PDE4D: variants seen among roughly 807,000 people sequenced by gnomAD.
PDE4D encodes phosphodiesterase 4D.
PDE4D carries 24 observed loss-of-function variants against 87.4 expected under a neutral mutation model. The ratio of observed to expected loss-of-function variants is 0.27; its 90% CI spans 0.20 to 0.39. The LOEUF (loss-of-function observed/expected upper bound fraction) is 0.39. Among genes scored for constraint, PDE4D ranks in the 10% least tolerant of loss-of-function variants. PDE4D has a pLI of 1.00. For synonymous variants in PDE4D, 384 were observed against 383.2 expected, an observed-to-expected ratio of 1.00 and a Z score of -0.02; for missense variants, 714 against 1,041.0, an observed-to-expected ratio of 0.69 and a Z score of 4.32.
intron 1 of PDE4D, among the ~76,000 whole-genome samples, chr5:59,504,977 T>TGA (rs199648536): frequency 6.7e-6 from 1 of 149,908 alleles, no homozygotes; most frequent in African/African-American, 2.4e-5. Context: ...TGTGTGAAAG[T>TGA]GAGAGAGAGA....
chr5:60,137,023 G>A (rs919578464), intron 2 of PDE4D, among the ~76,000 whole-genome samples: 7 of 152,068 alleles, frequency 4.6e-5, no homozygotes, highest in African/African-American at 1.4e-4. Flanking sequence ...ATGTGTCCAT[G>A]CGTTCTGATC....
At chr5:59,720,714 AG>A (rs1755705606) in intron 1 of PDE4D, among the ~76,000 whole-genome samples, 1 of 152,194 alleles carries the variant, frequency 6.6e-6, no homozygotes, top group Admixed American at 6.5e-5. Flanking sequence ...ATTAAAGACA[AG>A]GAACACTGAC....
intron 3 of PDE4D, among the ~76,000 whole-genome samples, chr5:59,935,630 A>C (rs1333970237): frequency 6.6e-6 from 1 of 152,188 alleles, no homozygotes; most frequent in African/African-American, 2.4e-5. Context: ...TGGGTAGATA[A>C]AAACAAAAAT....
intron 2 of PDE4D, among the ~76,000 whole-genome samples, chr5:59,992,673 G>A (rs929494245): frequency 5.9e-5 from 9 of 152,108 alleles, no homozygotes; most frequent in Admixed American, 5.9e-4. Context: ...ATGACTTAAT[G>A]TTTTTGACAT....
At chr5:60,001,566 A>C (rs1165474266) in intron 2 of PDE4D, among the ~76,000 whole-genome samples, 4 of 152,184 alleles carry the variant, frequency 2.6e-5, no homozygotes, top group African/African-American at 7.2e-5. Flanking sequence ...TATACAACTC[A>C]CTGGAAAAGG....
chr5:60,209,784 A>G (rs1339954440), intron 1 of PDE4D, among the ~76,000 whole-genome samples: 1 of 152,110 alleles, frequency 6.6e-6, no homozygotes, highest in Non-Finnish European at 1.5e-5. Flanking sequence ...CAGAAAGATC[A>G]TGAAGGCAAG....
At position 58,975,448 on chromosome 5, in the gene PDE4D, A is replaced by G. The variant is rs1237467557; in HGVS notation, c.2013+209T>C. On this transcript the variant is annotated intron_variant, in intron 14 of 14. Coordinates refer to ENST00000340635, the MANE Select transcript of PDE4D (RefSeq NM_001104631.2). This position sits in a 1 kb window ranked among gnomAD's most constrained non-coding sequence, Gnocchi z 4.2. Reference sequence around the variant, plus strand: ...AAATGAATATAGTCATAATAAATGAATATGTCTTTAGAATATATATATGAC... The same window carrying G: ...AAATGAATATAGTCATAATAAATGAGTATGTCTTTAGAATATATATATGAC... Among the ~76,000 whole-genome samples the G allele has an allele frequency of 6.6e-6, 1 of 152,214 alleles. No individual in the cohort carries two copies. The highest frequency in any genetic ancestry group is 1.5e-5 in the Non-Finnish European group (1 of 68,024).
chr5:59,311,536 A>G (rs1330603330), intron 1 of PDE4D, among the ~76,000 whole-genome samples: 1 of 150,792 alleles, frequency 6.6e-6, no homozygotes, highest in Non-Finnish European at 1.5e-5. Flanking sequence ...ACAGAAAAAG[A>G]AAAAAGATGA....
At chr5:59,174,701 T>C (rs1783550682) in intron 5 of PDE4D, among the ~76,000 whole-genome samples, 1 of 152,206 alleles carries the variant, frequency 6.6e-6, no homozygotes, top group Admixed American at 6.6e-5. Context: ...TTACTTTCTC[T>C]AAAGCATATA....
intron 3 of PDE4D, among the ~76,000 whole-genome samples, chr5:59,910,611 T>A (rs1423682550): frequency 1.3e-5 from 2 of 152,206 alleles, no homozygotes; most frequent in African/African-American, 4.8e-5. Context: ...ATAAGCATCA[T>A]TTTGACTGTT....
At chr5:59,882,677 C>A (rs1415656055) in intron 1 of PDE4D, among the ~76,000 whole-genome samples, 1 of 151,780 alleles carries the variant, frequency 6.6e-6, no homozygotes, top group Non-Finnish European at 1.5e-5. Flanking sequence ...GTGCATTCAA[C>A]TGGAAGTGGA....
intron 5 of PDE4D, among the ~76,000 whole-genome samples, chr5:59,086,372 A>G (rs956490436): frequency 3.9e-5 from 6 of 152,136 alleles, no homozygotes; most frequent in Admixed American, 3.9e-4. Flanking sequence ...TACCTTCTCC[A>G]TCAAATTTTT....
intron 1 of PDE4D, among the ~76,000 whole-genome samples, chr5:59,508,919 A>G (rs1286023103): frequency 6.6e-6 from 1 of 152,020 alleles, no homozygotes; most frequent in Non-Finnish European, 1.5e-5. Context: ...ATATGAAAGC[A>G]AGGTTAAGAT....
intron 1 of PDE4D, among the ~76,000 whole-genome samples, chr5:60,295,451 C>G (rs1049960930): frequency 1.3e-5 from 2 of 152,166 alleles, no homozygotes; most frequent in African/African-American, 4.8e-5. Context: ...AGTCTTTCAT[C>G]TTTAATTATG....
chr5:59,443,673 G>A (rs1331240188), intron 1 of PDE4D, among the ~76,000 whole-genome samples: 1 of 152,032 alleles, frequency 6.6e-6, no homozygotes, highest in African/African-American at 2.4e-5. Context: ...AAGAACAGAT[G>A]GTACAACCAT....
At chr5:59,003,553 C>T (rs1750960549) in intron 6 of PDE4D, among the ~76,000 whole-genome samples, 1 of 152,216 alleles carries the variant, frequency 6.6e-6, no homozygotes, top group Non-Finnish European at 1.5e-5. Context: ...ATTTATTAAG[C>T]TCCTACTCTA....
intron 2 of PDE4D, among the ~76,000 whole-genome samples, chr5:60,000,401 T>C (rs950056754): frequency 1.3e-5 from 2 of 152,112 alleles, no homozygotes; most frequent in African/African-American, 4.8e-5. Context: ...GGAGAAACAT[T>C]ATAGGCCAGA....
rs1003330689 is a variant in PDE4D at position 59,739,543 on chromosome 5, T to C, written c.455+153625A>G. ...TATAAAAATATTTGCAGCCTCAATG[T>C]TAATCAATTGAGATAAATTAGATTT... On this transcript the variant is annotated intron_variant, in intron 1 of 14. Transcript: ENST00000340635. 2.0e-5 allele frequency among the ~76,000 whole-genome samples: 3 copies of C among 152,212 alleles called. No individual in the cohort carries two copies. In the South Asian group the frequency reaches 6.2e-4, roughly 31 times the overall value.
At chr5:59,618,951 C>T (rs1830025054) in intron 1 of PDE4D, among the ~76,000 whole-genome samples, 1 of 152,102 alleles carries the variant, frequency 6.6e-6, no homozygotes, top group Non-Finnish European at 1.5e-5. Flanking sequence ...TTGGACTTTC[C>T]AGCTTCCAGA....
Sources: gnomAD v4.1 joint callset for allele counts (sites outside exome capture counted in the v4.1 genomes callset) on GRCh38, gnomAD v4.1.1 for gene constraint, Gnocchi (gnomAD v3.1) non-coding constraint, MANE v1.5 for transcripts, NCBI Gene and HGNC (gene_info 2026-07-23, HGNC 2026-07-21) for gene names.